UBAC2: variants seen among roughly 807,000 people sequenced by gnomAD.
UBAC2 encodes UBA domain containing 2.
Under a neutral mutation model 44.0 loss-of-function variants are expected in UBAC2, and 26 were observed. The ratio of observed to expected loss-of-function variants is 0.59; its 90% CI spans 0.43 to 0.82. UBAC2 has a LOEUF of 0.82. Among genes scored for constraint, UBAC2 ranks in the 40% least tolerant of loss-of-function variants. The pLI is 0.00. For missense variants in UBAC2, 329 were observed against 419.4 expected (o/e 0.78, Z 1.88); for synonymous variants, 155 against 154.3 (o/e 1.00, Z -0.04).
At position 99,238,408 on chromosome 13, in the gene UBAC2, C is replaced by G; in HGVS notation, c.32-19C>G. On this transcript the variant is annotated intron_variant, in intron 1 of 8. Transcript: ENST00000403766. ...CTTAGGAACAATCATTCTGAAAGTG[C>G]TTTCCTTTTTCCCTCCAGACAAGGC... The G allele has an allele frequency of 1.2e-6, 2 of 1,609,674 alleles. No individual in the cohort carries two copies. The highest frequency in any genetic ancestry group is 1.7e-6 in the Non-Finnish European group (2 of 1,177,542).
chr13:99,355,335 G>A (rs1168273851), intron 7 of UBAC2, among the ~76,000 whole-genome samples: 2 of 152,218 alleles, frequency 1.3e-5, no homozygotes, highest in African/African-American at 4.8e-5. Flanking sequence ...TCTGAGAGAT[G>A]CACTTCCATT....
Position 99,367,731 on chromosome 13 carries a change from A to C in UBAC2, c.808-56A>C, listed in dbSNP as rs114076133. 3,992 of 1,611,686 alleles carry C rather than the reference A, an allele frequency of 2.5e-3. 96 individuals carry two copies. The African/African-American group carries it at 0.045, about 18-fold the overall frequency. ...GCATTGAGAGAAAGCTCTTCCAAGC[A>C]TTATGATGATTCTGCTCCTTCTGTG... is the stretch of plus-strand genomic sequence containing the variant. On this transcript the variant is annotated intron_variant, in intron 7 of 8. Coordinates refer to ENST00000403766, the MANE Select transcript of UBAC2 (RefSeq NM_001144072.2).
chr13:99,272,523 C>G (rs1224147072), intron 4 of UBAC2, among the ~76,000 whole-genome samples: 2 of 152,154 alleles, frequency 1.3e-5, no homozygotes, highest in African/African-American at 4.8e-5. Context: ...GTGGCTTACA[C>G]AGAAATTTAT....
At chr13:99,306,812 G>A (rs2044343712) in intron 4 of UBAC2, among the ~76,000 whole-genome samples, 1 of 152,106 alleles carries the variant, frequency 6.6e-6, no homozygotes, top group South Asian at 2.1e-4. Context: ...TTGCTGGCGG[G>A]AGGGTAAATT....
chr13:99,252,893 G>A (rs987259071), intron 4 of UBAC2, among the ~76,000 whole-genome samples: 1 of 151,780 alleles, frequency 6.6e-6, no homozygotes, highest in Admixed American at 6.6e-5. Flanking sequence ...TTTGCTCTGA[G>A]ACTAAACTCT....
intron 1 of UBAC2, chr13:99,215,479 G>T: frequency 7.1e-7 from 1 of 1,415,918 alleles, no homozygotes; most frequent in Non-Finnish European, 1.0e-6. Context: ...TTCTTCATCT[G>T]CACGAATAGC....
intron 6 of UBAC2, among the ~76,000 whole-genome samples, chr13:99,330,375 C>A (rs572969570): frequency 3.0e-4 from 42 of 138,600 alleles, no homozygotes; most frequent in Admixed American, 1.1e-3. Flanking sequence ...AGGAGAATCG[C>A]TTGAACCTGG....
chr13:99,328,094 G>A (rs1217318040), intron 6 of UBAC2, among the ~76,000 whole-genome samples: 1 of 151,778 alleles, frequency 6.6e-6, no homozygotes, highest in Non-Finnish European at 1.5e-5. Flanking sequence ...ACTTAGTATT[G>A]TATAATATGA....
At chr13:99,255,314 G>A (rs41279138) in intron 4 of UBAC2, 1 of 1,614,016 alleles carries the variant, frequency 6.2e-7, no homozygotes, top group Non-Finnish European at 8.5e-7. Context: ...GTGAGGTTCA[G>A]CACGTTCACA....
intron 4 of UBAC2, among the ~76,000 whole-genome samples, chr13:99,250,770 G>T (rs899819571): frequency 6.6e-6 from 1 of 150,892 alleles, no homozygotes; most frequent in Non-Finnish European, 1.5e-5. Flanking sequence ...TTTTTGAGAC[G>T]GAGTCTCACT....
chr13:99,287,643 CTTTTTTTTTTTTTTTT>C, intron 4 of UBAC2, among the ~76,000 whole-genome samples: 1 of 95,162 alleles, frequency 1.1e-5, no homozygotes, highest in South Asian at 3.9e-4. Context: ...TTTTTTCTTT[CTTTTTTTTTTTTTTTT>C]TTTTTGGTAG....
At chr13:99,311,133 C>T (rs2044406621) in intron 4 of UBAC2, among the ~76,000 whole-genome samples, 1 of 152,174 alleles carries the variant, frequency 6.6e-6, no homozygotes, top group African/African-American at 2.4e-5. Context: ...AGGCACAATT[C>T]TAGACAGTGG....
intron 4 of UBAC2, 26 bp from the exon 5 acceptor site, chr13:99,314,071 T>A: frequency 1.3e-6 from 2 of 1,589,658 alleles, no homozygotes; most frequent in Non-Finnish European, 1.7e-6. Context: ...ACTATTATAG[T>A]GATTTTTTTT....
chr13:99,233,577 G>T (rs1433011101), intron 1 of UBAC2, among the ~76,000 whole-genome samples: 1 of 152,178 alleles, frequency 6.6e-6, no homozygotes, highest in East Asian at 1.9e-4. Flanking sequence ...AAAGGCCGCA[G>T]GAGCTGGTCA....
intron 4 of UBAC2, among the ~76,000 whole-genome samples, chr13:99,284,530 G>A (rs1332214696): frequency 1.3e-5 from 2 of 152,166 alleles, no homozygotes; most frequent in East Asian, 1.9e-4. Context: ...TCTCTACACA[G>A]TATTTTTTCT....
chr13:99,315,823 A>G (rs1173687735), intron 5 of UBAC2, among the ~76,000 whole-genome samples: 2 of 152,044 alleles, frequency 1.3e-5, no homozygotes, highest in African/African-American at 4.8e-5. Flanking sequence ...TGTTTTTGGC[A>G]TAAAGCAAGT....
At position 99,368,688 on chromosome 13, in the gene UBAC2, A is replaced by AGTGTGTGTGTGTGT. The variant is rs35193753; in HGVS notation, c.927+807_927+820dup. 5.2e-3 allele frequency among the ~76,000 whole-genome samples: 761 copies of AGTGTGTGTGTGTGT among 146,676 alleles called. 6 individuals carry two copies. Among genetic ancestry groups the AGTGTGTGTGTGTGT allele is most frequent in the East Asian group, 0.01 (51 of 5,000 alleles). On this transcript the variant is annotated intron_variant, in intron 8 of 8. Transcript: ENST00000403766. The stretch of plus-strand genomic sequence containing the variant: ...CACTATCATCGTAAACTCATGAGAG[A>AGTGTGTGTGTGTGT]GTGTGTGTGTGTGTGTGTGTGTGTG...
chr13:99,244,718 T>C, intron 4 of UBAC2, 94 bp downstream of exon 4: 1 of 742,552 alleles, frequency 1.3e-6, no homozygotes, highest in Non-Finnish European at 2.1e-6. Flanking sequence ...AAATAATATT[T>C]TAAACTTCTA....
chr13:99,335,442 G>C (rs1207743658), intron 6 of UBAC2, among the ~76,000 whole-genome samples: 3 of 151,354 alleles, frequency 2.0e-5, no homozygotes, highest in African/African-American at 7.3e-5. Flanking sequence ...TTGTTACAGA[G>C]AATGCCTCTG....
Sources: allele counts gnomAD v4.1 joint callset (sites outside exome capture counted in the v4.1 genomes callset), GRCh38; gene constraint gnomAD v4.1.1; transcripts MANE v1.5; gene names NCBI Gene and HGNC (gene_info 2026-07-23, HGNC 2026-07-21).